Variants in DNAI4 observed in about 807,000 individuals in gnomAD.
DNAI4 encodes dynein axonemal intermediate chain 4.
In DNAI4, 85 loss-of-function variants were observed where a neutral mutation model predicts 105.8. That is an observed-to-expected ratio of 0.80 (90% CI 0.67 to 0.96). DNAI4 has a LOEUF of 0.96. Among genes scored for constraint, DNAI4 ranks in the 40% least tolerant of loss-of-function variants. The probability of loss-of-function intolerance (pLI) is 0.00; values close to 1 mark genes in which losing one functional copy is unlikely to be tolerated. For synonymous variants in DNAI4, 352 were observed against 331.5 expected (o/e 1.06, Z -0.67); for missense variants, 1,014 against 1,005.6 (o/e 1.01, Z -0.11).
Position 66,834,117 on chromosome 1 carries a change from A to G in DNAI4, c.1765T>C (p.Trp589Arg), listed in dbSNP as rs772095635. 6.2e-7 allele frequency: 1 copy of G among 1,607,728 alleles called. No homozygotes were observed. The highest frequency in any genetic ancestry group is 2.2e-5 in the East Asian group (1 of 44,610). The change falls in exon 12 of 17, where the codon TGG (tryptophan) becomes CGG (arginine). Residue 589 changes from tryptophan (W) to arginine (R), a missense_variant. By Grantham distance (101) the Trp-to-Arg change is moderately radical. Transcript: ENST00000371026. ...ESPQKHLGPV[W>R]QLQWIEQDRG... Reference sequence around the variant, plus strand: ...TCTTGTTCTATCCACTGTAGTTGCCATACAGGTCCCAAATGTTTTTGAGGT... The same window carrying G: ...TCTTGTTCTATCCACTGTAGTTGCCGTACAGGTCCCAAATGTTTTTGAGGT...
At position 66,913,798 on chromosome 1, in the gene DNAI4, T is replaced by C. The variant is rs182908780; in HGVS notation, c.171-8423A>G. Among the ~76,000 whole-genome samples the C allele has an allele frequency of 1.2e-3, 186 of 151,956 alleles. 1 individual carries two copies. The highest frequency in any genetic ancestry group is 7.4e-3 in the Admixed American group (113 of 15,260). ...GAAATCGAGACCATCCTGGCTAACATGGTGAAACCCCATCTCTACTAAAAA... is the reference window on the plus strand; with the variant it reads ...GAAATCGAGACCATCCTGGCTAACACGGTGAAACCCCATCTCTACTAAAAA... On this transcript the variant is annotated intron_variant, in intron 1 of 16. Transcript: ENST00000371026.
chr1:66,839,276 T>A (rs1018765228), intron 9 of DNAI4, among the ~76,000 whole-genome samples: 1 of 152,074 alleles, frequency 6.6e-6, no homozygotes, highest in African/African-American at 2.4e-5. Context: ...CCCCAAAAAA[T>A]TAATTAATTA....
chr1:66,878,202 G>A (rs968506542), intron 4 of DNAI4, among the ~76,000 whole-genome samples: 5 of 152,004 alleles, frequency 3.3e-5, no homozygotes, highest in Non-Finnish European at 7.4e-5. Context: ...ATGAACTCAT[G>A]CGTATTTATT....
At chr1:66,860,346 C>T (rs1646598611) in intron 7 of DNAI4, among the ~76,000 whole-genome samples, 1 of 151,840 alleles carries the variant, frequency 6.6e-6, no homozygotes, top group South Asian at 2.1e-4. Context: ...TTTTTTAAAT[C>T]AAATATGGAC....
At chr1:66,873,942 A>G (rs561205989) in intron 5 of DNAI4, among the ~76,000 whole-genome samples, 1 of 135,538 alleles carries the variant, frequency 7.4e-6, no homozygotes, top group South Asian at 2.2e-4. Context: ...TCTAACATGT[A>G]CTATGTTTTA....
rs771561359 is a variant in DNAI4, at chr1:66,833,586, T to G, written c.2012A>C (p.Lys671Thr). The G allele has an allele frequency of 4.3e-6, 7 of 1,612,560 alleles. No homozygotes were observed. Among genetic ancestry groups the G allele is most frequent in the Non-Finnish European group, 5.9e-6 (7 of 1,179,246 alleles). The stretch of plus-strand genomic sequence containing the variant: ...GTAAATAAGAGTGAAATAATTTACC[T>G]TGGGATGAAAAGCAAAACACATTCC... ...APGMCFAFHPKDTNIYLAGTE... is the reference protein window; with the variant it reads ...APGMCFAFHPTDTNIYLAGTE... Residue 671 changes from lysine (K) to threonine (T), a missense_variant and splice_region_variant, in exon 13 of 17, where the codon AAG becomes ACG. Transcript: ENST00000371026.
At chr1:66,816,341 T>C (rs867429750) in intron 16 of DNAI4, among the ~76,000 whole-genome samples, 2 of 152,076 alleles carry the variant, frequency 1.3e-5, no homozygotes, top group African/African-American at 4.8e-5. Context: ...ATCTTTCATA[T>C]AGAATGAAAT....
intron 9 of DNAI4, among the ~76,000 whole-genome samples, chr1:66,839,484 T>C (rs192096174): frequency 2.0e-5 from 3 of 152,202 alleles, no homozygotes; most frequent in African/African-American, 4.8e-5. Flanking sequence ...TAGCACCTGA[T>C]AAGGTGTGGC....
At chr1:66,847,873 C>A (rs563925846) in intron 7 of DNAI4, 195 bp from the exon 8 acceptor site, 28 of 531,548 alleles carry the variant, frequency 5.3e-5, no homozygotes, top group African/African-American at 4.5e-4. Context: ...AATTCTTAAC[C>A]ATCAAAAACT....
chr1:66,843,291 T>C (rs541247020), intron 8 of DNAI4, among the ~76,000 whole-genome samples: 1 of 151,536 alleles, frequency 6.6e-6, no homozygotes, highest in African/African-American at 2.4e-5. Flanking sequence ...TAATATGATG[T>C]TGAGTATCTT....
At chr1:66,845,019 C>A (rs1243130480) in intron 8 of DNAI4, among the ~76,000 whole-genome samples, 1 of 151,690 alleles carries the variant, frequency 6.6e-6, no homozygotes, top group African/African-American at 2.4e-5. Context: ...CACGGTGAAA[C>A]CCGGTCTCTA....
intron 15 of DNAI4, 94 bp from the exon 16 acceptor site, chr1:66,822,611 G>A (rs1645654637): frequency 1.7e-6 from 2 of 1,169,394 alleles, no homozygotes; most frequent in African/African-American, 3.1e-5. Context: ...TAAATTAAAT[G>A]TAACAAAAAC....
chr1:66,870,203 G>A (rs994150233), intron 6 of DNAI4, among the ~76,000 whole-genome samples: 2 of 152,154 alleles, frequency 1.3e-5, no homozygotes, highest in African/African-American at 4.8e-5. Flanking sequence ...CAGCACTCTG[G>A]GAGGTCGAGA....
At position 66,834,058 on chromosome 1, in the gene DNAI4, T is replaced by C. The variant is rs1645927032; in HGVS notation, c.1824A>G (p.Ile608Met). Reference sequence around the variant, plus strand: ...TTCCATCTGCTGATATAGAAACTAGTATTTCTCTTTTGCCATCTCCTGTTG... The same window carrying C: ...TTCCATCTGCTGATATAGAAACTAGCATTTCTCTTTTGCCATCTCCTGTTG... ...RGTTGDGKRE[I>M]LVSISADGRI... Residue 608 changes from isoleucine (I) to methionine (M), a missense_variant, in exon 12 of 17, where the codon ATA (isoleucine) becomes ATG (methionine). Coordinates refer to ENST00000371026, the MANE Select transcript of DNAI4 (RefSeq NM_024763.5). The C allele has an allele frequency of 6.2e-7, 1 of 1,612,676 alleles. No individual in the cohort carries two copies. Among genetic ancestry groups the C allele is most frequent in the Non-Finnish European group, 8.5e-7 (1 of 1,179,334 alleles).
intron 1 of DNAI4, among the ~76,000 whole-genome samples, chr1:66,906,463 G>A (rs1011178172): frequency 2.6e-5 from 4 of 151,910 alleles, no homozygotes; most frequent in Non-Finnish European, 2.9e-5. Context: ...AATCTGACAA[G>A]AATAAAATAT....
intron 1 of DNAI4, among the ~76,000 whole-genome samples, chr1:66,914,255 C>T (rs1217426758): frequency 6.6e-6 from 1 of 152,186 alleles, no homozygotes; most frequent in Non-Finnish European, 1.5e-5. Context: ...ATAATATGGT[C>T]TTTGTGCACA....
At position 66,909,277 on chromosome 1, in the gene DNAI4, C is replaced by A. The variant is rs540995698; in HGVS notation, c.171-3902G>T. Among the ~76,000 whole-genome samples, 13 of 141,074 alleles carry A rather than the reference C, an allele frequency of 9.2e-5. No homozygotes were observed. In the East Asian group the frequency reaches 2.3e-3, roughly 25 times the overall value. The allele number at this position is 141,074 out of a possible 152,430, so 92.6% of individuals were successfully genotyped here. On this transcript the variant is annotated intron_variant, in intron 1 of 16. Transcript: ENST00000371026. Reference sequence around the variant, plus strand: ...AAAAATCTCCTATTTATTGTTGCCACCTCTCTCTACACACACACACACACA... The same window carrying A: ...AAAAATCTCCTATTTATTGTTGCCAACTCTCTCTACACACACACACACACA...
At chr1:66,849,272 G>T (rs545466655) in intron 7 of DNAI4, among the ~76,000 whole-genome samples, 6 of 151,246 alleles carry the variant, frequency 4.0e-5, no homozygotes, top group African/African-American at 2.4e-5. Context: ...CCTAGCCATG[G>T]TGTTGTCAAT....
intron 8 of DNAI4, among the ~76,000 whole-genome samples, chr1:66,843,727 G>A (rs570799219): frequency 3.3e-5 from 5 of 152,212 alleles, no homozygotes; most frequent in African/African-American, 9.6e-5. Context: ...TAAAGTCTGT[G>A]TCTAGGTTCG....
Sources: allele counts gnomAD v4.1 joint callset (sites outside exome capture counted in the v4.1 genomes callset), GRCh38; gene constraint gnomAD v4.1.1; transcripts MANE v1.5; gene names NCBI Gene and HGNC (gene_info 2026-07-23, HGNC 2026-07-21).